AHCYL1: variants seen among roughly 807,000 people sequenced by gnomAD.
The protein encoded by AHCYL1 is S-adenosylhomocysteine hydrolase-like protein 1.
In AHCYL1, 20 loss-of-function variants were observed where a neutral mutation model predicts 79.3. That is an observed-to-expected ratio of 0.25 (90% CI 0.18 to 0.37). The LOEUF is 0.37. AHCYL1 is among the 10% of genes least tolerant of loss of function. AHCYL1 has a pLI of 1.00. For synonymous variants in AHCYL1, 223 were observed against 242.2 expected (o/e 0.92, Z 0.74); for missense variants, 330 against 673.6 (o/e 0.49, Z 5.65).
intron 5 of AHCYL1, among the ~76,000 whole-genome samples, chr1:110,014,481 C>A (rs535416064): frequency 3.8e-4 from 58 of 152,310 alleles, no homozygotes; most frequent in Middle Eastern, 3.4e-3. Context: ...CAGTTAACAA[C>A]TTTTATTAAT....
At chr1:109,994,316 G>A (rs991138600) in intron 1 of AHCYL1, among the ~76,000 whole-genome samples, 1 of 152,210 alleles carries the variant, frequency 6.6e-6, no homozygotes, top group African/African-American at 2.4e-5. Flanking sequence ...AGGCTGGAGT[G>A]TGATGGCACG....
At chr1:109,991,969 G>A (rs115152293) in intron 1 of AHCYL1, among the ~76,000 whole-genome samples, 1,710 of 152,274 alleles carry the variant, frequency 0.011, 18 homozygotes, top group South Asian at 0.042. Flanking sequence ...TATGCTTAAT[G>A]GGAAATACTT....
At chr1:110,008,200 T>G (rs1650788319) in intron 1 of AHCYL1, among the ~76,000 whole-genome samples, 1 of 152,072 alleles carries the variant, frequency 6.6e-6, no homozygotes, top group Non-Finnish European at 1.5e-5. Context: ...TTTTGTATTT[T>G]TAGTAGAGAC....
chr1:109,986,324 CTT>C (rs5776998), intron 1 of AHCYL1, among the ~76,000 whole-genome samples: 10,381 of 147,518 alleles, frequency 0.07, 978 homozygotes, highest in African/African-American at 0.22. Context: ...AGAGATGGCT[CTT>C]TTTTTTTTTT....
chr1:110,018,160 TC>T (rs1651542058), intron 11 of AHCYL1, 144 bp downstream of exon 11: 12 of 1,069,394 alleles, frequency 1.1e-5, no homozygotes, highest in Admixed American at 2.6e-5. Flanking sequence ...TAACATGTTT[TC>T]CAGAGTAAAA....
chr1:109,994,225 G>A (rs1179468433), intron 1 of AHCYL1, among the ~76,000 whole-genome samples: 1 of 152,130 alleles, frequency 6.6e-6, no homozygotes, highest in African/African-American at 2.4e-5. Flanking sequence ...GCAAGATTCA[G>A]GGGAAAAGGA....
rs1649371800 is a variant in AHCYL1 at position 109,984,825 on chromosome 1, C to G, written c.-228C>G. The stretch of plus-strand genomic sequence containing the variant: ...GGCGCGGGCAGGTCGGAGCTCGGAG[C>G]TGCTGTTCTGGTTCTCTTGTGGCCG... On this transcript the variant is annotated 5_prime_UTR_variant, in exon 1 of 17. Coordinates refer to ENST00000369799, the MANE Select transcript of AHCYL1 (RefSeq NM_006621.7). 1 of 365,732 alleles carries G rather than the reference C, an allele frequency of 2.7e-6. No individual in the cohort carries two copies. Among genetic ancestry groups the G allele is most frequent in the Non-Finnish European group, 3.6e-6 (1 of 275,410 alleles). 22.7% of individuals were successfully genotyped at this position (365,732 alleles called of 1,614,324 possible).
At chr1:109,985,365 G>C (rs573821341) in intron 1 of AHCYL1, 193 bp downstream of exon 1, 2 of 1,323,124 alleles carry the variant, frequency 1.5e-6, no homozygotes, top group South Asian at 1.9e-5. Flanking sequence ...GCTTTCCTTT[G>C]TCCCTCGGCC....
At chr1:109,990,891 C>T (rs980900679) in intron 1 of AHCYL1, among the ~76,000 whole-genome samples, 2 of 152,210 alleles carry the variant, frequency 1.3e-5, no homozygotes, top group Admixed American at 6.5e-5. Flanking sequence ...GACTTCTGAA[C>T]TGTGACTTTA....
intron 1 of AHCYL1, among the ~76,000 whole-genome samples, chr1:110,006,081 A>G (rs1270436968): frequency 6.6e-6 from 1 of 152,212 alleles, no homozygotes; most frequent in Non-Finnish European, 1.5e-5. Flanking sequence ...AGACACAGCA[A>G]GTAGACTTCT....
chr1:109,989,097 C>T (rs1043592467), intron 1 of AHCYL1, among the ~76,000 whole-genome samples: 1 of 152,218 alleles, frequency 6.6e-6, no homozygotes, highest in African/African-American at 2.4e-5. Flanking sequence ...GTCTTTAAAA[C>T]AGGAGTTGGG....
chr1:110,001,823 TACAA>T (rs1446079040), intron 1 of AHCYL1, among the ~76,000 whole-genome samples: 1 of 152,216 alleles, frequency 6.6e-6, no homozygotes, highest in Non-Finnish European at 1.5e-5. Flanking sequence ...TTTAAGTTCT[TACAA>T]ACACAAAGGA....
chr1:110,020,026 C>T (rs1001092949), intron 15 of AHCYL1, among the ~76,000 whole-genome samples: 3 of 152,212 alleles, frequency 2.0e-5, no homozygotes. Context: ...CATCCAATCT[C>T]TTGTAAGCAA....
At chr1:110,007,030 C>A (rs1406643268) in intron 1 of AHCYL1, among the ~76,000 whole-genome samples, 3 of 152,180 alleles carry the variant, frequency 2.0e-5, no homozygotes, top group Non-Finnish European at 4.4e-5. Context: ...GTTTAGGCTA[C>A]TGATGAGCTT....
chr1:109,990,175 A>G (rs1260723263), intron 1 of AHCYL1, among the ~76,000 whole-genome samples: 1 of 152,216 alleles, frequency 6.6e-6, no homozygotes, highest in Non-Finnish European at 1.5e-5. Flanking sequence ...TAAGGTAAGC[A>G]CTGATTTTTG....
rs1651210123 is a variant in AHCYL1 at position 110,013,600 on chromosome 1, C to T, written c.580+601C>T. 5.3e-5 allele frequency among the ~76,000 whole-genome samples: 8 copies of T among 151,882 alleles called. No individual in the cohort carries two copies. In the South Asian group the frequency reaches 1.7e-3, roughly 32 times the overall value. The stretch of plus-strand genomic sequence containing the variant: ...TGGTGTGCGCCTGTAATCTCAGCTA[C>T]TCAGGAGGCTGAGGTAGGAGAACCA... On this transcript the variant is annotated intron_variant, in intron 5 of 16. Coordinates refer to ENST00000369799, the MANE Select transcript of AHCYL1 (RefSeq NM_006621.7).
chr1:110,014,830 G>A lies in AHCYL1; in HGVS notation c.648G>A (p.Val216=). ...TCTGGTGGTGTATTGACCGCTGTGT[G>A]AACATGGATGGGTGGCAGGCCAACA... ...DDFWWCIDRC[V]NMDGWQANMI... is the part of the protein sequence containing the mutation. The change falls in exon 6 of 17, where the codon GTG becomes GTA. Residue 216 remains valine (V), a synonymous_variant. Coordinates refer to ENST00000369799, the MANE Select transcript of AHCYL1 (RefSeq NM_006621.7). The A allele has an allele frequency of 6.2e-7, 1 of 1,614,236 alleles. No homozygotes were observed. Among genetic ancestry groups the A allele is most frequent in the South Asian group, 1.1e-5 (1 of 91,088 alleles).
intron 2 of AHCYL1, among the ~76,000 whole-genome samples, chr1:110,009,817 A>G (rs960382184): frequency 2.0e-5 from 3 of 152,240 alleles, no homozygotes; most frequent in Non-Finnish European, 2.9e-5. Flanking sequence ...AGAATATAGA[A>G]TCTTGGCAGA....
Position 110,018,357 on chromosome 1 carries a change from C to G in AHCYL1, c.1124-16C>G, listed in dbSNP as rs370479790. ...GCCCGGCATCTCTTTCCTTAACCAC[C>G]CATCTTTTCTTTTAGGAAATAAGAA... On this transcript the variant is annotated splice_polypyrimidine_tract_variant and intron_variant, in intron 11 of 16. Coordinates refer to ENST00000369799, the MANE Select transcript of AHCYL1 (RefSeq NM_006621.7). The G allele has an allele frequency of 7.4e-5, 120 of 1,612,890 alleles. No homozygotes were observed. The African/African-American group carries it at 1.5e-3, about 21-fold the overall frequency.
Sources: allele counts gnomAD v4.1 joint callset (sites outside exome capture counted in the v4.1 genomes callset), GRCh38; gene constraint gnomAD v4.1.1; transcripts MANE v1.5; gene names NCBI Gene and HGNC (gene_info 2026-07-23, HGNC 2026-07-21).